Variants in PIK3R3 observed in about 807,000 individuals in gnomAD.
PIK3R3 encodes the protein phosphoinositide-3-kinase regulatory subunit 3, also known as phosphatidylinositol 3-kinase regulatory subunit gamma.
Under a neutral mutation model 62.9 loss-of-function variants are expected in PIK3R3, and 64 were observed. That is an observed-to-expected ratio of 1.02 (90% CI 0.83 to 1.25). The LOEUF is 1.25. Ranked by LOEUF, PIK3R3 falls within the 50% of genes most tolerant of loss-of-function variation. The pLI is 0.00. For synonymous variants in PIK3R3, 165 were observed against 189.0 expected, an observed-to-expected ratio of 0.87 and a Z score of 1.04; for missense variants, 614 against 561.6, an observed-to-expected ratio of 1.09 and a Z score of -0.94.
chr1:46,087,563 T>G (rs1251999481), intron 1 of PIK3R3, among the ~76,000 whole-genome samples: 1 of 150,278 alleles, frequency 6.7e-6, no homozygotes, highest in Non-Finnish European at 1.5e-5. Context: ...ACAGATATTC[T>G]AGGGTTACCC....
chr1:46,077,187 CA>C, intron 3 of PIK3R3, among the ~76,000 whole-genome samples: 1 of 152,322 alleles, frequency 6.6e-6, no homozygotes, highest in South Asian at 2.1e-4. Flanking sequence ...TAGGGTTATT[CA>C]AAGGATAGAT....
At chr1:46,079,440 A>T (rs1650372620) in intron 2 of PIK3R3, among the ~76,000 whole-genome samples, 1 of 152,176 alleles carries the variant, frequency 6.6e-6, no homozygotes, top group African/African-American at 2.4e-5. Flanking sequence ...TCACCCAGGG[A>T]ATCTATTAAA....
chr1:46,067,521 G>A (rs1339008454), intron 3 of PIK3R3, among the ~76,000 whole-genome samples: 2 of 151,536 alleles, frequency 1.3e-5, no homozygotes, highest in Non-Finnish European at 3.0e-5. Flanking sequence ...ATGTCTCTGT[G>A]GGGGGAGCAG....
chr1:46,104,808 T>TG, intron 1 of PIK3R3: 1 of 375,316 alleles, frequency 2.7e-6, no homozygotes, highest in East Asian at 5.2e-5. Context: ...GGCAAGCGCC[T>TG]GTAATCCCAG....
chr1:46,087,285 C>T (rs908273832), intron 1 of PIK3R3, among the ~76,000 whole-genome samples: 1 of 151,322 alleles, frequency 6.6e-6, no homozygotes, highest in Non-Finnish European at 1.5e-5. Context: ...AAGAAAGATA[C>T]AGCATGCTCA....
At chr1:46,080,025 C>T (rs1329402795) in intron 2 of PIK3R3, among the ~76,000 whole-genome samples, 4 of 150,460 alleles carry the variant, frequency 2.7e-5, no homozygotes, top group African/African-American at 9.8e-5. Flanking sequence ...ACTAATGAAG[C>T]GTTCCCATGC....
At chr1:46,133,810 T>TA (rs112127024), upstream of PIK3R3, among the ~76,000 whole-genome samples, 30,038 of 142,590 alleles carry the variant, frequency 0.21, 3,379 homozygotes, top group Non-Finnish European at 0.27. Context: ...TCAAACCAAT[T>TA]AAAAAAAAAA....
intron 1 of PIK3R3, among the ~76,000 whole-genome samples, chr1:46,092,150 T>C (rs2149429930): frequency 6.6e-6 from 1 of 152,314 alleles, no homozygotes; most frequent in Admixed American, 6.5e-5. Context: ...AACTTTACTG[T>C]ATGCAAATTT....
chr1:46,156,731 A>G, the PIK3R3 span, among the ~76,000 whole-genome samples: 1 of 152,190 alleles, frequency 6.6e-6, no homozygotes, highest in Admixed American at 6.5e-5. Flanking sequence ...GCTTCTGTCC[A>G]TTAGCTGTCC....
At chr1:46,053,774 C>G (rs1273005747) in intron 7 of PIK3R3, among the ~76,000 whole-genome samples, 2 of 152,144 alleles carry the variant, frequency 1.3e-5, no homozygotes, top group Non-Finnish European at 2.9e-5. Flanking sequence ...CACTTATTCA[C>G]GCCCCTTGGG....
chr1:46,163,256 T>A, the PIK3R3 span, among the ~76,000 whole-genome samples: 6 of 152,218 alleles, frequency 3.9e-5, no homozygotes, highest in African/African-American at 9.6e-5. Context: ...GATGCTTTTT[T>A]AAAAAGTAAA....
At chr1:46,139,156 A>G in the PIK3R3 span, 3 of 152,216 alleles carry the variant, frequency 2.0e-5, no homozygotes, top group Non-Finnish European at 2.9e-5. Context: ...GTTCAAAATG[A>G]CAAGCTCTTT....
At chr1:46,151,468 G>T in the PIK3R3 span, among the ~76,000 whole-genome samples, 2 of 152,192 alleles carry the variant, frequency 1.3e-5, no homozygotes, top group African/African-American at 2.4e-5. Flanking sequence ...CCCCAGCCAG[G>T]CACAGTGGTT....
chr1:46,051,594 C>CTA (rs1260228665), intron 7 of PIK3R3, among the ~76,000 whole-genome samples: 1 of 151,798 alleles, frequency 6.6e-6, no homozygotes, highest in Non-Finnish European at 1.5e-5. Context: ...GCAAACTCCC[C>CTA]TATATATATA....
At chr1:46,157,164 G>C in the PIK3R3 span, among the ~76,000 whole-genome samples, 2 of 152,150 alleles carry the variant, frequency 1.3e-5, no homozygotes, top group African/African-American at 2.4e-5. Context: ...GGCAAGGTCT[G>C]ACTCTATCGC....
the PIK3R3 span, among the ~76,000 whole-genome samples, chr1:46,149,735 T>C: frequency 6.6e-6 from 1 of 152,060 alleles, no homozygotes. Context: ...TTCGCCAAGT[T>C]GGCCAGGCTG....
intron 9 of PIK3R3, 68 bp from the exon 10 acceptor site, chr1:46,043,939 A>G: frequency 3.1e-6 from 4 of 1,296,910 alleles, no homozygotes; most frequent in Non-Finnish European, 4.3e-6. Context: ...CTAAATGGCC[A>G]GAAGTCTGAG....
At chr1:46,054,619 C>T (rs1292426854) in intron 7 of PIK3R3, among the ~76,000 whole-genome samples, 1 of 152,080 alleles carries the variant, frequency 6.6e-6, no homozygotes, top group Non-Finnish European at 1.5e-5. Context: ...CCCATAGATG[C>T]ATTTCAAAAC....
At chr1:46,074,022 G>A (rs1423201895) in intron 3 of PIK3R3, among the ~76,000 whole-genome samples, 1 of 147,612 alleles carries the variant, frequency 6.8e-6, no homozygotes, top group Admixed American at 6.8e-5. Context: ...GGGCGCGGTG[G>A]CTCATGCCTG....
Sources: allele counts gnomAD v4.1 joint callset (sites outside exome capture counted in the v4.1 genomes callset), GRCh38; gene constraint gnomAD v4.1.1; transcripts MANE v1.5; gene names NCBI Gene and HGNC (gene_info 2026-07-23, HGNC 2026-07-21).